CRTC3: variants seen among roughly 807,000 people sequenced by gnomAD.
CRTC3 encodes CREB-regulated transcription coactivator 3.
A neutral mutation model predicts 74.5 loss-of-function variants in CRTC3; 26 were observed. The ratio of observed to expected loss-of-function variants is 0.35; its 90% CI spans 0.26 to 0.48. The LOEUF is 0.48. CRTC3 is among the 20% of genes least tolerant of loss of function. The pLI is 0.99. For synonymous variants in CRTC3, 377 were observed against 325.8 expected, an observed-to-expected ratio of 1.16 and a Z score of -1.69; for missense variants, 760 against 787.3, an observed-to-expected ratio of 0.97 and a Z score of 0.41.
chr15:90,605,975 G>T (rs1404265954), intron 5 of CRTC3, among the ~76,000 whole-genome samples: 1 of 152,340 alleles, frequency 6.6e-6, no homozygotes, highest in South Asian at 2.1e-4. Flanking sequence ...AAACATGGAG[G>T]CCTGGCGCAG....
intron 1 of CRTC3, among the ~76,000 whole-genome samples, chr15:90,535,235 C>T (rs1480748861): frequency 6.6e-6 from 1 of 151,736 alleles, no homozygotes. Context: ...AGGAACTACA[C>T]CATTTGAAAG....
chr15:90,565,058 A>G (rs1596086492), intron 2 of CRTC3, among the ~76,000 whole-genome samples: 1 of 152,044 alleles, frequency 6.6e-6, no homozygotes, highest in Admixed American at 6.6e-5. Flanking sequence ...TTCTCCTGCC[A>G]CAGCCTCCCG....
intron 2 of CRTC3, among the ~76,000 whole-genome samples, chr15:90,582,300 T>TA (rs1040902522): frequency 4.0e-4 from 61 of 152,340 alleles, no homozygotes; most frequent in African/African-American, 1.3e-3. Flanking sequence ...ACAGGCAGTT[T>TA]AAAACTTCTA....
At chr15:90,534,285 G>A (rs933156841) in intron 1 of CRTC3, among the ~76,000 whole-genome samples, 3 of 152,178 alleles carry the variant, frequency 2.0e-5, no homozygotes, top group African/African-American at 7.2e-5. Context: ...TCATTAAGTG[G>A]ACACTGGCAG....
At chr15:90,567,537 A>G (rs933719758) in intron 2 of CRTC3, among the ~76,000 whole-genome samples, 2 of 151,878 alleles carry the variant, frequency 1.3e-5, no homozygotes, top group African/African-American at 4.8e-5. Context: ...AAATAGAAAA[A>G]ATTAGCCGGG....
intron 3 of CRTC3, among the ~76,000 whole-genome samples, chr15:90,596,812 TATAAAACAC>T (rs1967937854): frequency 6.6e-6 from 1 of 152,208 alleles, no homozygotes; most frequent in Non-Finnish European, 1.5e-5. Flanking sequence ...CATTTGAAAG[TATAAAACAC>T]TAGTTTGAAT....
intron 3 of CRTC3, chr15:90,598,199 G>A: frequency 1.9e-6 from 1 of 520,712 alleles, no homozygotes; most frequent in South Asian, 2.4e-5. Flanking sequence ...GGCAGTTCCT[G>A]AGCCCTGCCC....
At chr15:90,535,867 G>T (rs1341179506) in intron 1 of CRTC3, among the ~76,000 whole-genome samples, 1 of 152,142 alleles carries the variant, frequency 6.6e-6, no homozygotes, top group Non-Finnish European at 1.5e-5. Flanking sequence ...TTTTGTGGAT[G>T]AGTAAACTGA....
rs1015874869 is a variant in CRTC3 at position 90,533,488 on chromosome 15, A to G, written c.132+3285A>G. ...CTGGGAAGAGGCTGTTCTGTTGTTCATTTATTAATGTATTCATTTGTCAGT... is the reference window on the plus strand; with the variant it reads ...CTGGGAAGAGGCTGTTCTGTTGTTCGTTTATTAATGTATTCATTTGTCAGT... On this transcript the variant is annotated intron_variant, in intron 1 of 14. Transcript: ENST00000268184. Among the ~76,000 whole-genome samples the G allele has an allele frequency of 3.3e-5, 5 of 151,296 alleles. No individual in the cohort carries two copies. The South Asian group carries it at 8.3e-4, about 25-fold the overall frequency.
Position 90,629,092 on chromosome 15 carries a change from G to C in CRTC3, c.968-142G>C. 4 of 715,568 alleles carry C rather than the reference G, an allele frequency of 5.6e-6. No individual in the cohort carries two copies. The South Asian group carries it at 7.7e-5, about 14-fold the overall frequency. The allele number at this position is 715,568 out of a possible 1,614,324, so 44.3% of individuals were successfully genotyped here. A position where few individuals can be genotyped will look rare whatever the true frequency, so the allele number is the denominator to read the frequency against. ...CCTTGCCATTGGTGCATCGGATGCA[G>C]TCCCTGTAGGAGAGCTGTCCAGGAG... On this transcript the variant is annotated intron_variant, in intron 10 of 14. Transcript: ENST00000268184.
intron 2 of CRTC3, among the ~76,000 whole-genome samples, chr15:90,565,320 G>A (rs755530300): frequency 2.0e-5 from 3 of 152,286 alleles, no homozygotes; most frequent in Admixed American, 6.5e-5. Flanking sequence ...TCACAGTGTC[G>A]TGAGGATTAA....
At chr15:90,624,354 A>G (rs942743851) in intron 9 of CRTC3, among the ~76,000 whole-genome samples, 2 of 151,928 alleles carry the variant, frequency 1.3e-5, no homozygotes, top group Non-Finnish European at 2.9e-5. Context: ...CTGGAACCAC[A>G]GTGACATTTC....
At chr15:90,589,411 G>A (rs1045847272) in intron 2 of CRTC3, among the ~76,000 whole-genome samples, 9 of 151,864 alleles carry the variant, frequency 5.9e-5, no homozygotes, top group African/African-American at 9.7e-5. Flanking sequence ...GAGTACAGTG[G>A]CTCAATCATA....
chr15:90,587,524 A>G (rs1224948231), intron 2 of CRTC3, among the ~76,000 whole-genome samples: 1 of 152,182 alleles, frequency 6.6e-6, no homozygotes, highest in African/African-American at 2.4e-5. Flanking sequence ...ATGTTCTGAA[A>G]CAGTAGAGTG....
chr15:90,544,074 TTTCTCATG>T (rs1182894330), intron 2 of CRTC3, among the ~76,000 whole-genome samples: 2 of 152,336 alleles, frequency 1.3e-5, no homozygotes, highest in African/African-American at 4.8e-5. Flanking sequence ...AGAAATTTAT[TTTCTCATG>T]TTCTCATGTT....
At chr15:90,570,900 C>G (rs1967248054) in intron 2 of CRTC3, among the ~76,000 whole-genome samples, 1 of 151,994 alleles carries the variant, frequency 6.6e-6, no homozygotes, top group Non-Finnish European at 1.5e-5. Flanking sequence ...TGTTCCCTGA[C>G]CAAAACGACT....
chr15:90,631,585 G>A (rs541368938), intron 11 of CRTC3, among the ~76,000 whole-genome samples: 4 of 151,962 alleles, frequency 2.6e-5, no homozygotes, highest in Non-Finnish European at 4.4e-5. Flanking sequence ...AAAATTAACC[G>A]GGCATGGTGG....
chr15:90,541,382 C>T (rs926914554), intron 2 of CRTC3, among the ~76,000 whole-genome samples: 1 of 152,118 alleles, frequency 6.6e-6, no homozygotes, highest in Non-Finnish European at 1.5e-5. Flanking sequence ...TTGGGGACTT[C>T]CATTTGAGAG....
chr15:90,613,300 G>C (rs1968411171), intron 6 of CRTC3, among the ~76,000 whole-genome samples: 1 of 152,120 alleles, frequency 6.6e-6, no homozygotes, highest in Admixed American at 6.5e-5. Flanking sequence ...CTCACCCAAG[G>C]GCTCTTTATG....
Sources: allele counts gnomAD v4.1 joint callset (sites outside exome capture counted in the v4.1 genomes callset), GRCh38; gene constraint gnomAD v4.1.1; transcripts MANE v1.5; gene names NCBI Gene and HGNC (gene_info 2026-07-23, HGNC 2026-07-21).